TAF15: variants seen among roughly 807,000 people sequenced by gnomAD.
TAF15 encodes TATA-binding protein-associated factor 2N.
A neutral mutation model predicts 102.5 loss-of-function variants in TAF15; 37 were observed. That is an observed-to-expected ratio of 0.36 (90% CI 0.28 to 0.47). The LOEUF is 0.47. Among genes scored for constraint, TAF15 ranks in the 20% least tolerant of loss-of-function variants. TAF15 has a pLI of 0.99. For missense variants in TAF15, 652 were observed against 760.7 expected, an observed-to-expected ratio of 0.86 and a Z score of 1.68; for synonymous variants, 273 against 259.2, an observed-to-expected ratio of 1.05 and a Z score of -0.51.
intron 11 of TAF15, among the ~76,000 whole-genome samples, chr17:35,841,958 A>G (rs377216910): frequency 2.0e-5 from 3 of 151,960 alleles, no homozygotes; most frequent in African/African-American, 7.3e-5. Context: ...TCAGCCTCCA[A>G]AAGTGCTGAG....
chr17:35,835,279 G>C (rs780321713), intron 9 of TAF15, among the ~76,000 whole-genome samples: 1 of 152,178 alleles, frequency 6.6e-6, no homozygotes, highest in African/African-American at 2.4e-5. Context: ...AAAATCCTAC[G>C]TTGGATTGGT....
At chr17:35,838,065 C>A (rs942206567) in intron 10 of TAF15, among the ~76,000 whole-genome samples, 1 of 152,044 alleles carries the variant, frequency 6.6e-6, no homozygotes, top group Non-Finnish European at 1.5e-5. Flanking sequence ...TGCTTGTAGT[C>A]CCAGCTACTC....
chr17:35,833,722 TC>T lies in TAF15; in HGVS notation c.606-183del, dbSNP rs899076561. On this transcript the variant is annotated intron_variant, in intron 7 of 15. Transcript: ENST00000605844. ...TGAAAAGACATCTTGTGGAAATAGA[TC>T]CTTGGGAAAACACTTAGATGGAAAC... 3 of 611,948 alleles carry T rather than the reference TC, an allele frequency of 4.9e-6. No individual in the cohort carries two copies. The African/African-American group carries it at 5.6e-5, about 11-fold the overall frequency. The allele number at this position is 611,948 out of a possible 1,614,324, so 37.9% of individuals were successfully genotyped here. A position where few individuals can be genotyped will look rare whatever the true frequency, so the allele number is the denominator to read the frequency against.
intron 11 of TAF15, among the ~76,000 whole-genome samples, chr17:35,839,370 CTTTTTTTTTTTTTTTTT>C (rs562461506): frequency 0.058 from 3,048 of 52,554 alleles, 158 homozygotes; most frequent in East Asian, 0.27. Flanking sequence ...AAGAAATAGA[CTTTTTTTTTTTTTTTTT>C]TTTTTTTTTT....
At chr17:35,829,113 C>T (rs892519169) in intron 7 of TAF15, among the ~76,000 whole-genome samples, 3 of 152,084 alleles carry the variant, frequency 2.0e-5, no homozygotes, top group African/African-American at 7.2e-5. Context: ...TTGGTCTTTT[C>T]CTCACACTCA....
intron 7 of TAF15, among the ~76,000 whole-genome samples, chr17:35,832,487 ATC>A (rs981789582): frequency 5.9e-5 from 9 of 152,172 alleles, no homozygotes; most frequent in Non-Finnish European, 8.8e-5. Context: ...AGAGTGTTTT[ATC>A]TCAGTGTGGC....
chr17:35,828,603 C>T (rs896489576), intron 7 of TAF15, among the ~76,000 whole-genome samples: 3 of 152,018 alleles, frequency 2.0e-5, no homozygotes, highest in Middle Eastern at 3.4e-3. Flanking sequence ...CTGTGGCACA[C>T]GCCTGTAGTC....
intron 9 of TAF15, among the ~76,000 whole-genome samples, 177 bp downstream of exon 9, chr17:35,834,775 C>T (rs979975579): frequency 2.1e-4 from 18 of 84,962 alleles, no homozygotes; most frequent in African/African-American, 1.0e-3. Context: ...GATGGAGTTT[C>T]GCTCTTGTTG....
chr17:35,838,081 G>A (rs996523380), intron 10 of TAF15, among the ~76,000 whole-genome samples: 2 of 152,110 alleles, frequency 1.3e-5, no homozygotes, highest in African/African-American at 2.4e-5. Flanking sequence ...TACTCGGGAG[G>A]CTGAGGTGGG....
chr17:35,838,674 T>C, intron 11 of TAF15, 121 bp downstream of exon 11: 1 of 1,442,878 alleles, frequency 6.9e-7, no homozygotes, highest in Non-Finnish European at 9.5e-7. Context: ...ATATTAAGAA[T>C]ACAGGTCAGA....
chr17:35,844,854 CGAGGAGGCTATG>C lies in TAF15; in HGVS notation c.1562_1573del (p.Gly521_Gly524del), dbSNP rs1568284644. 5.0e-6 allele frequency: 8 copies of C among 1,597,202 alleles called. No individual in the cohort carries two copies. Among genetic ancestry groups the C allele is most frequent in the Non-Finnish European group, 6.8e-6 (8 of 1,171,908 alleles). Reference sequence around the variant, plus strand: ...AGATCGAGGAGGTTATGGAGGAGATCGAGGAGGCTATGGAGGAGACAGAAGCCGGGGGGGCTA... The same window carrying C: ...AGATCGAGGAGGTTATGGAGGAGATCGAGGAGACAGAAGCCGGGGGGGCTA... On this transcript the variant is annotated inframe_deletion, in exon 15 of 16. Transcript: ENST00000605844.
chr17:35,811,924 A>G (rs2087129029), intron 1 of TAF15, among the ~76,000 whole-genome samples: 1 of 152,150 alleles, frequency 6.6e-6, no homozygotes, highest in African/African-American at 2.4e-5. Flanking sequence ...GAAAGGACAA[A>G]CCCCCAGTGC....
intron 6 of TAF15, 152 bp downstream of exon 6, chr17:35,822,985 T>A: frequency 1.0e-6 from 1 of 975,216 alleles, no homozygotes; most frequent in Non-Finnish European, 1.6e-6. Flanking sequence ...TCAAAACTAG[T>A]TTATCAGATT....
At chr17:35,812,389 G>T (rs1260904376) in intron 1 of TAF15, among the ~76,000 whole-genome samples, 2 of 151,816 alleles carry the variant, frequency 1.3e-5, no homozygotes, top group African/African-American at 2.4e-5. Context: ...CTAAGGTCGA[G>T]AGTTCGAGAC....
At chr17:35,834,438 T>C in intron 8 of TAF15, 128 bp from the exon 9 acceptor site, 1 of 773,842 alleles carries the variant, frequency 1.3e-6, no homozygotes, top group South Asian at 1.6e-5. Context: ...TTTGTAAATC[T>C]GTGATGGTTG....
At chr17:35,835,642 C>A (rs1026980003) in intron 9 of TAF15, among the ~76,000 whole-genome samples, 19 of 152,196 alleles carry the variant, frequency 1.2e-4, no homozygotes, top group African/African-American at 4.6e-4. Flanking sequence ...AAGGTGCCTC[C>A]GCACTCTGGT....
chr17:35,834,029 C>T, intron 8 of TAF15, 88 bp downstream of exon 8: 1 of 1,395,126 alleles, frequency 7.2e-7, no homozygotes, highest in Non-Finnish European at 1.0e-6. Flanking sequence ...GTCAAAAGTC[C>T]TTTCTTACTC....
At chr17:35,823,899 A>G (rs776018719) in intron 6 of TAF15, among the ~76,000 whole-genome samples, 179 bp from the exon 7 acceptor site, 3 of 152,186 alleles carry the variant, frequency 2.0e-5, no homozygotes, top group Non-Finnish European at 4.4e-5. Context: ...AATTTGACAC[A>G]GATAAAATTC....
chr17:35,846,368 C>T lies in TAF15; in HGVS notation c.1740-538C>T, dbSNP rs2087623216. 6.6e-5 allele frequency among the ~76,000 whole-genome samples: 10 copies of T among 152,328 alleles called. No individual in the cohort carries two copies. In the South Asian group the frequency reaches 2.1e-3, roughly 32 times the overall value. ...AGAGTAAGCACTATATAATTTTTAG[C>T]TATTAGTAATTATGAGTAACCTAAT... On this transcript the variant is annotated intron_variant, in intron 15 of 15. Transcript: ENST00000605844.
Sources: gnomAD v4.1 joint callset for allele counts (sites outside exome capture counted in the v4.1 genomes callset) on GRCh38, gnomAD v4.1.1 for gene constraint, MANE v1.5 for transcripts, NCBI Gene and HGNC (gene_info 2026-07-23, HGNC 2026-07-21) for gene names.